The following DMD variants were observed in gnomAD, a reference collection of about 807,000 sequenced individuals.
The protein encoded by DMD is dystrophin.
DMD carries 63 observed loss-of-function variants against 330.1 expected under a neutral mutation model. The ratio of observed to expected loss-of-function variants is 0.19; its 90% CI spans 0.16 to 0.24. The LOEUF (loss-of-function observed/expected upper bound fraction) is 0.24, where lower values mean the gene tolerates loss of function less well. Ranked by LOEUF, DMD falls within the 10% of genes least tolerant of loss-of-function variation. The probability of loss-of-function intolerance (pLI) is 1.00; values close to 1 mark genes in which losing one functional copy is unlikely to be tolerated. For synonymous variants in DMD, 1,223 were observed against 959.8 expected, an observed-to-expected ratio of 1.27 and a Z score of -5.07; for missense variants, 3,344 against 2,684.1, an observed-to-expected ratio of 1.25 and a Z score of -5.43.
intron 50 of DMD, among the ~76,000 whole-genome samples, chrX:31,790,256 GT>G (rs1348522786): frequency 9.1e-6 from 1 of 110,310 alleles, no homozygotes; most frequent in Non-Finnish European, 1.9e-5. Flanking sequence ...TCAATCTGAC[GT>G]AAAAGTGGAA....
In DMD at chrX:31,229,526, C is replaced by G. The variant is rs191276098; in HGVS notation, c.9287-6405G>C. Among the ~76,000 whole-genome samples the G allele has an allele frequency of 2.9e-4, 32 of 111,989 alleles. No individual in the cohort carries two copies. In the East Asian group the frequency reaches 3.9e-3, roughly 14 times the overall value. Reference sequence around the variant, plus strand: ...CTGTACGGCTAAATGATTATTCCAACAGATAAATTGGTATAGTGGTCTTTG... The same window carrying G: ...CTGTACGGCTAAATGATTATTCCAAGAGATAAATTGGTATAGTGGTCTTTG... On this transcript the variant is annotated intron_variant, in intron 63 of 78. Coordinates refer to ENST00000357033, the MANE Select transcript of DMD (RefSeq NM_004006.3).
chrX:31,779,192 C>T (rs936849898), intron 50 of DMD, among the ~76,000 whole-genome samples: 1 of 111,525 alleles, frequency 9.0e-6, no homozygotes, highest in Non-Finnish European at 1.9e-5. Context: ...CTAGAACGAA[C>T]GGGTAAAGAG....
rs556706892 is a variant in DMD, at chrX:32,185,440, C to T, written c.6438+31476G>A. On this transcript the variant is annotated intron_variant, in intron 44 of 78. Transcript: ENST00000357033. ...TAAAGAGATACTGTTGTCCAAGCATCGCCCCCAGGAATATGGATTTGATTC... is the reference window on the plus strand; with the variant it reads ...TAAAGAGATACTGTTGTCCAAGCATTGCCCCCAGGAATATGGATTTGATTC... Among the ~76,000 whole-genome samples the T allele has an allele frequency of 3.1e-4, 35 of 111,437 alleles. No homozygotes were observed. In the South Asian group the frequency reaches 0.012, roughly 37 times the overall value.
At chrX:33,076,413 G>A (rs16998377) in intron 1 of DMD, among the ~76,000 whole-genome samples, 11,887 of 110,791 alleles carry the variant, frequency 0.11, 1,559 homozygotes, top group African/African-American at 0.37. Flanking sequence ...GATGGCAATT[G>A]CAGTATGTAT....
intron 7 of DMD, among the ~76,000 whole-genome samples, chrX:32,793,871 G>C (rs1234098137): frequency 9.0e-6 from 1 of 110,955 alleles, no homozygotes; most frequent in East Asian, 2.8e-4. Context: ...TGAAGAGGAA[G>C]GAATTCCCCC....
intron 55 of DMD, among the ~76,000 whole-genome samples, chrX:31,598,297 T>A (rs1020614693): frequency 5.4e-5 from 6 of 110,805 alleles, no homozygotes; most frequent in Admixed American, 9.7e-5. Context: ...TTTTAAAAAA[T>A]TTTTTTGGTA....
chrX:31,688,119 T>C (rs1288023433), intron 52 of DMD, among the ~76,000 whole-genome samples: 1 of 108,962 alleles, frequency 9.2e-6, no homozygotes, highest in African/African-American at 3.3e-5. Context: ...TAAGAAACAA[T>C]GAAGCATACC....
intron 16 of DMD, among the ~76,000 whole-genome samples, chrX:32,552,421 C>A (rs2049676325): frequency 9.0e-6 from 1 of 111,591 alleles, no homozygotes; most frequent in African/African-American, 3.3e-5. Context: ...CAAAAATTAA[C>A]CCGAGGTGGA....
intron 55 of DMD, among the ~76,000 whole-genome samples, chrX:31,588,130 G>A (rs192489099): frequency 1.8e-5 from 2 of 111,502 alleles, no homozygotes; most frequent in Admixed American, 9.6e-5. Context: ...CATGCCCAGC[G>A]TTTACTCTGT....
chrX:32,285,199 C>T (rs928952179), intron 43 of DMD, among the ~76,000 whole-genome samples: 21 of 111,879 alleles, frequency 1.9e-4, no homozygotes, highest in Non-Finnish European at 3.6e-4. Flanking sequence ...GAAACCTCAA[C>T]GGTCCTTAGG....
chrX:32,339,268 T>C (rs750875967), intron 41 of DMD, among the ~76,000 whole-genome samples: 116 of 112,028 alleles, frequency 1.0e-3, no homozygotes, highest in African/African-American at 3.5e-3. Context: ...TAGACCACAC[T>C]GCTGTGATAG....
At chrX:32,913,927 G>A (rs1272007786) in intron 2 of DMD, among the ~76,000 whole-genome samples, 1 of 111,821 alleles carries the variant, frequency 8.9e-6, no homozygotes, top group Non-Finnish European at 1.9e-5. Flanking sequence ...TCCCACTGCA[G>A]TAGCCAGCTG....
At chrX:32,705,571 C>T (rs1370038376) in intron 7 of DMD, among the ~76,000 whole-genome samples, 1 of 111,581 alleles carries the variant, frequency 9.0e-6, no homozygotes, top group Non-Finnish European at 1.9e-5. Flanking sequence ...CCCAGCACTT[C>T]GGGAGGACGA....
At chrX:31,650,724 GT>G (rs2080404428) in intron 54 of DMD, among the ~76,000 whole-genome samples, 1 of 111,695 alleles carries the variant, frequency 9.0e-6, no homozygotes, top group Admixed American at 9.5e-5. Context: ...CCAGGAAAAT[GT>G]TTTACTTTTT....
At chrX:32,687,763 T>C (rs774929500) in intron 9 of DMD, among the ~76,000 whole-genome samples, 2 of 111,099 alleles carry the variant, frequency 1.8e-5, no homozygotes, top group African/African-American at 3.3e-5. Context: ...AAAACGAATG[T>C]TGTTTTTATA....
intron 1 of DMD, among the ~76,000 whole-genome samples, chrX:33,293,995 C>A (rs185124032): frequency 9.0e-6 from 1 of 111,363 alleles, no homozygotes; most frequent in Non-Finnish European, 1.9e-5. Context: ...TATGACCAGA[C>A]GTGGTGATAA....
intron 17 of DMD, among the ~76,000 whole-genome samples, chrX:32,541,247 C>T (rs895267276): frequency 5.4e-5 from 6 of 110,632 alleles, no homozygotes; most frequent in Non-Finnish European, 9.5e-5. Context: ...TAATAGATGA[C>T]TACCATCTCC....
intron 63 of DMD, among the ~76,000 whole-genome samples, chrX:31,244,989 A>G (rs5971562): frequency 0.36 from 40,243 of 110,820 alleles, 5,734 homozygotes; most frequent in African/African-American, 0.51. Context: ...GCAGGAAACC[A>G]ATGAACGAAC....
chrX:33,180,082 C>G (rs1488626720), intron 1 of DMD, among the ~76,000 whole-genome samples: 3 of 111,265 alleles, frequency 2.7e-5, no homozygotes, highest in African/African-American at 9.8e-5. Flanking sequence ...GTGATCTGCC[C>G]ACCTTGGCCT....
Sources: gnomAD v4.1 joint callset for allele counts (sites outside exome capture counted in the v4.1 genomes callset) on GRCh38, gnomAD v4.1.1 for gene constraint, MANE v1.5 for transcripts, NCBI Gene and HGNC (gene_info 2026-07-23, HGNC 2026-07-21) for gene names.